PELI2: variants seen among roughly 807,000 people sequenced by gnomAD.
PELI2 encodes E3 ubiquitin-protein ligase pellino homolog 2.
Under a neutral mutation model 42.3 loss-of-function variants are expected in PELI2, and 23 were observed. That is an observed-to-expected ratio of 0.54 (90% confidence interval 0.39 to 0.77). The LOEUF is 0.77. Among genes scored for constraint, PELI2 ranks in the 30% least tolerant of loss-of-function variants. PELI2 has a pLI of 0.00. For synonymous variants in PELI2, 245 were observed against 212.2 expected (o/e 1.15, Z -1.34); for missense variants, 463 against 553.2 (o/e 0.84, Z 1.64).
At chr14:56,268,515 C>G (rs1888986444) in intron 2 of PELI2, among the ~76,000 whole-genome samples, 1 of 152,076 alleles carries the variant, frequency 6.6e-6, no homozygotes, top group Non-Finnish European at 1.5e-5. Context: ...GTAAGAAATC[C>G]TATCATTATT....
intron 1 of PELI2, among the ~76,000 whole-genome samples, chr14:56,121,788 C>T (rs1472633615): frequency 6.6e-6 from 1 of 152,166 alleles, no homozygotes; most frequent in East Asian, 1.9e-4. Flanking sequence ...AGGTAGGCTT[C>T]AAGAGCCCTT....
chr14:56,279,835 T>C lies in PELI2; in HGVS notation c.309+58T>C, dbSNP rs549495986. 15 of 843,838 alleles carry C rather than the reference T, an allele frequency of 1.8e-5. No homozygotes were observed. The Admixed American group carries it at 2.8e-4, about 16-fold the overall frequency. The allele number at this position is 843,838 out of a possible 1,614,324, so 52.3% of individuals were successfully genotyped here. ...CACGTTTTCCTTTAATTCTCTATTT[T>C]TTATATGTAATCAGATCTTCCAGCC... On this transcript the variant is annotated intron_variant, in intron 3 of 5. Coordinates refer to ENST00000267460, the MANE Select transcript of PELI2 (RefSeq NM_021255.3).
intron 1 of PELI2, among the ~76,000 whole-genome samples, chr14:56,167,329 TC>T (rs1413644502): frequency 6.6e-6 from 1 of 152,218 alleles, no homozygotes; most frequent in Non-Finnish European, 1.5e-5. Flanking sequence ...TGAGGCTATT[TC>T]CAAGATCTTG....
chr14:56,149,159 T>C (rs913330129), intron 1 of PELI2, among the ~76,000 whole-genome samples: 12 of 152,230 alleles, frequency 7.9e-5, no homozygotes, highest in Non-Finnish European at 1.5e-4. Context: ...GTATGGATCC[T>C]TCTGTGAAGG....
rs191493244 is a variant in PELI2 at position 56,135,231 on chromosome 14, C to T, written c.77+16494C>T. On this transcript the variant is annotated intron_variant, in intron 1 of 5. Transcript: ENST00000267460. ...GAGTAGAAGGGTGAGGTCTGCTGCT[C>T]AGTGTGTGTGCACACACCTTGGGAG... Among the ~76,000 whole-genome samples, 82 of 152,268 alleles carry T rather than the reference C, an allele frequency of 5.4e-4. No homozygotes were observed. In the East Asian group the frequency reaches 0.014, roughly 26 times the overall value.
chr14:56,254,556 A>G (rs968443557), intron 2 of PELI2, among the ~76,000 whole-genome samples: 14 of 152,208 alleles, frequency 9.2e-5, no homozygotes, highest in Non-Finnish European at 2.1e-4. Flanking sequence ...AAACCCAAGC[A>G]ATACCATTCA....
intron 1 of PELI2, among the ~76,000 whole-genome samples, chr14:56,165,520 A>G (rs1427063105): frequency 6.6e-6 from 1 of 152,174 alleles, no homozygotes; most frequent in Non-Finnish European, 1.5e-5. Flanking sequence ...TCTATCCTTG[A>G]GAATGATCCA....
chr14:56,257,022 T>C (rs1396079405), intron 2 of PELI2, among the ~76,000 whole-genome samples: 1 of 152,216 alleles, frequency 6.6e-6, no homozygotes, highest in African/African-American at 2.4e-5. Context: ...AATTTTAACG[T>C]TCATCTTTAT....
chr14:56,139,770 T>C (rs1157827031), intron 1 of PELI2, among the ~76,000 whole-genome samples: 5 of 152,028 alleles, frequency 3.3e-5, no homozygotes, highest in Middle Eastern at 3.2e-3. Context: ...AAAGAAAAAC[T>C]GGGCCAGAAG....
intron 2 of PELI2, among the ~76,000 whole-genome samples, chr14:56,192,886 T>C (rs1400785667): frequency 1.3e-5 from 2 of 152,224 alleles, no homozygotes; most frequent in African/African-American, 4.8e-5. Context: ...TTCTTATTTT[T>C]CACCATGTCA....
intron 1 of PELI2, among the ~76,000 whole-genome samples, chr14:56,172,018 A>G (rs897435736): frequency 6.6e-6 from 1 of 152,102 alleles, no homozygotes; most frequent in South Asian, 2.1e-4. Flanking sequence ...CCATCTCAAA[A>G]AAAAAGAAAA....
chr14:56,194,008 G>T (rs961337902), intron 2 of PELI2, among the ~76,000 whole-genome samples: 4 of 152,060 alleles, frequency 2.6e-5, no homozygotes, highest in African/African-American at 9.7e-5. Flanking sequence ...TCATTGTTGG[G>T]GGGTCTTAAT....
intron 1 of PELI2, among the ~76,000 whole-genome samples, chr14:56,142,319 G>A (rs1015186162): frequency 3.3e-5 from 5 of 152,050 alleles, no homozygotes; most frequent in Admixed American, 1.3e-4. Context: ...GTGGGCTTGC[G>A]AGAGGAAACT....
At chr14:56,173,915 C>G (rs1885271328) in intron 1 of PELI2, among the ~76,000 whole-genome samples, 1 of 152,124 alleles carries the variant, frequency 6.6e-6, no homozygotes, top group South Asian at 2.1e-4. Context: ...GTATCTTTTT[C>G]TTTTGAGACT....
chr14:56,246,976 C>T (rs572388047), intron 2 of PELI2, among the ~76,000 whole-genome samples: 20 of 152,264 alleles, frequency 1.3e-4, no homozygotes, highest in African/African-American at 4.1e-4. Context: ...TAGTGTGATA[C>T]GAGAGTACCT....
chr14:56,223,054 C>G (rs1006187702), intron 2 of PELI2, among the ~76,000 whole-genome samples: 2 of 152,154 alleles, frequency 1.3e-5, no homozygotes, highest in African/African-American at 4.8e-5. Flanking sequence ...GACCCCTGTT[C>G]AAGGCCTGTA....
In PELI2 at chr14:56,245,702, G is replaced by A. The variant is rs1017229258; in HGVS notation, c.208-33974G>A. Among the ~76,000 whole-genome samples the A allele has an allele frequency of 2.0e-5, 3 of 152,258 alleles. No individual in the cohort carries two copies. The East Asian group carries it at 5.8e-4, about 29-fold the overall frequency. On this transcript the variant is annotated intron_variant, in intron 2 of 5. Coordinates refer to ENST00000267460, the MANE Select transcript of PELI2 (RefSeq NM_021255.3). ...CAATACTACAACTCTCTGTCCACAGGTTCTGCATCTGCAGATCCAACAAAC... is the reference window on the plus strand; with the variant it reads ...CAATACTACAACTCTCTGTCCACAGATTCTGCATCTGCAGATCCAACAAAC...
intron 1 of PELI2, among the ~76,000 whole-genome samples, chr14:56,123,175 G>A (rs1009470530): frequency 6.7e-5 from 10 of 148,908 alleles, no homozygotes; most frequent in Admixed American, 6.0e-4. Flanking sequence ...AGAGTTTATG[G>A]TCTTTTTTTT....
At chr14:56,125,517 G>A (rs1883223521) in intron 1 of PELI2, among the ~76,000 whole-genome samples, 1 of 152,074 alleles carries the variant, frequency 6.6e-6, no homozygotes, top group Non-Finnish European at 1.5e-5. Context: ...AAATAGTCCT[G>A]TGTCCTTTGA....
Sources: allele counts gnomAD v4.1 joint callset (sites outside exome capture counted in the v4.1 genomes callset), GRCh38; gene constraint gnomAD v4.1.1; transcripts MANE v1.5; gene names NCBI Gene and HGNC (gene_info 2026-07-23, HGNC 2026-07-21).